Variants in RGS7 observed in about 807,000 individuals in gnomAD.
RGS7 encodes regulator of G-protein signaling 7.
RGS7 carries 27 observed loss-of-function variants against 81.1 expected under a neutral mutation model. The observed-to-expected ratio is 0.33, with a 90% confidence interval of 0.25 to 0.46. RGS7 has a LOEUF of 0.46. Among genes scored for constraint, RGS7 ranks in the 20% least tolerant of loss-of-function variants. The probability of loss-of-function intolerance (pLI) is 1.00; values close to 1 mark genes in which losing one functional copy is unlikely to be tolerated. For missense variants in RGS7, 396 were observed against 607.4 expected (o/e 0.65, Z 3.66); for synonymous variants, 208 against 207.7 (o/e 1.00, Z -0.01).
chr1:240,875,943 G>C (rs1665333976), intron 6 of RGS7, among the ~76,000 whole-genome samples: 1 of 152,060 alleles, frequency 6.6e-6, no homozygotes, highest in South Asian at 2.1e-4. Context: ...CTCTAGACTT[G>C]GCAAAAGTTT....
At chr1:241,328,487 G>A (rs2081755135) in intron 2 of RGS7, among the ~76,000 whole-genome samples, 1 of 152,216 alleles carries the variant, frequency 6.6e-6, no homozygotes, top group Admixed American at 6.5e-5. Context: ...TAGTGGACTG[G>A]AAATCAAGTC....
chr1:241,230,926 A>C (rs2148059653), intron 2 of RGS7, among the ~76,000 whole-genome samples: 1 of 152,294 alleles, frequency 6.6e-6, no homozygotes, highest in South Asian at 2.1e-4. Flanking sequence ...TCAAGATGCA[A>C]GTTAGTGCTT....
chr1:240,801,650 T>C (rs1035651589), intron 16 of RGS7, 142 bp from the exon 17 acceptor site: 127 of 718,748 alleles, frequency 1.8e-4, no homozygotes, highest in Non-Finnish European at 2.8e-4. Flanking sequence ...AGAAGGCCCA[T>C]AGAGGTTGGA....
chr1:240,784,779 A>C (rs1458644347), intron 18 of RGS7, among the ~76,000 whole-genome samples: 1 of 151,066 alleles, frequency 6.6e-6, no homozygotes, highest in Non-Finnish European at 1.5e-5. Flanking sequence ...ACTGGGATGG[A>C]TATTCTTGAG....
At chr1:241,030,064 A>G (rs892528689) in intron 3 of RGS7, among the ~76,000 whole-genome samples, 2 of 152,110 alleles carry the variant, frequency 1.3e-5, no homozygotes, top group Non-Finnish European at 2.9e-5. Flanking sequence ...TGATTAAACT[A>G]TTACACTGAG....
intron 4 of RGS7, among the ~76,000 whole-genome samples, chr1:240,942,027 T>C (rs976970431): frequency 7.2e-5 from 11 of 152,108 alleles, no homozygotes; most frequent in African/African-American, 1.2e-4. Context: ...ATTCAAGCCA[T>C]GAGCAAGCTG....
intron 2 of RGS7, among the ~76,000 whole-genome samples, chr1:241,107,168 G>A (rs2065177961): frequency 6.6e-6 from 1 of 152,182 alleles, no homozygotes; most frequent in Admixed American, 6.5e-5. Flanking sequence ...TCTGCTCCTT[G>A]TGGTGAGCCC....
intron 4 of RGS7, among the ~76,000 whole-genome samples, chr1:240,943,662 C>A (rs1677985134): frequency 6.6e-6 from 1 of 152,172 alleles, no homozygotes; most frequent in Admixed American, 6.5e-5. Context: ...TTTTTCCCTA[C>A]AGCAAAGAAC....
chr1:240,921,581 C>T (rs1301489259), intron 6 of RGS7, among the ~76,000 whole-genome samples: 1 of 151,922 alleles, frequency 6.6e-6, no homozygotes, highest in African/African-American at 2.4e-5. Flanking sequence ...AGCAAAGTTG[C>T]AGGGTACAAA....
At chr1:240,894,667 A>C (rs35728896) in intron 6 of RGS7, among the ~76,000 whole-genome samples, 1 of 115,674 alleles carries the variant, frequency 8.6e-6, no homozygotes, top group Non-Finnish European at 2.0e-5. Flanking sequence ...TCTAGCTCTC[A>C]TATCATTTTT....
intron 6 of RGS7, among the ~76,000 whole-genome samples, chr1:240,918,892 G>A (rs148960374): frequency 9.9e-5 from 15 of 151,248 alleles, no homozygotes; most frequent in Admixed American, 2.0e-4. Context: ...CTGAAAAGGA[G>A]GCCATCACTG....
At chr1:240,955,551 C>CAAAAAAAAAAAAA (rs369155474) in intron 4 of RGS7, among the ~76,000 whole-genome samples, 14 of 140,268 alleles carry the variant, frequency 1.0e-4, no homozygotes, top group African/African-American at 2.7e-4. Flanking sequence ...GACTCTGTCT[C>CAAAAAAAAAAAAA]AAAAAAAAAA....
chr1:240,930,600 G>C, intron 6 of RGS7, 117 bp downstream of exon 6: 1 of 965,012 alleles, frequency 1.0e-6, no homozygotes, highest in East Asian at 2.4e-5. Context: ...AAAAATATTG[G>C]TCCCATCCTG....
intron 3 of RGS7, among the ~76,000 whole-genome samples, chr1:241,077,526 G>A (rs1033599839): frequency 2.0e-5 from 3 of 152,158 alleles, no homozygotes; most frequent in Non-Finnish European, 4.4e-5. Context: ...CAGGGACAGT[G>A]GAAGGGGAGG....
intron 4 of RGS7, among the ~76,000 whole-genome samples, chr1:240,970,418 A>T (rs539451133): frequency 6.6e-6 from 1 of 152,362 alleles, no homozygotes; most frequent in East Asian, 1.9e-4. Flanking sequence ...AACAACAGTC[A>T]CTCGTTGCAT....
At chr1:240,863,770 C>A (rs146161504) in intron 9 of RGS7, among the ~76,000 whole-genome samples, 1 of 151,888 alleles carries the variant, frequency 6.6e-6, no homozygotes, top group East Asian at 1.9e-4. Context: ...TTTAAAATAC[C>A]ATTTTAAAAT....
intron 2 of RGS7, among the ~76,000 whole-genome samples, chr1:241,167,030 T>G (rs1314353517): frequency 6.6e-6 from 1 of 152,222 alleles, no homozygotes; most frequent in Non-Finnish European, 1.5e-5. Context: ...TATTACAGTT[T>G]CCTGTGCCAC....
At chr1:241,133,498 C>A (rs145397645) in intron 2 of RGS7, among the ~76,000 whole-genome samples, 1 of 151,174 alleles carries the variant, frequency 6.6e-6, no homozygotes, top group Non-Finnish European at 1.5e-5. Context: ...TATTAGCCAC[C>A]ATAATTTTTT....
At chr1:240,908,799 G>C (rs1671266379) in intron 6 of RGS7, among the ~76,000 whole-genome samples, 2 of 152,228 alleles carry the variant, frequency 1.3e-5, no homozygotes, top group African/African-American at 4.8e-5. Context: ...GACTAGGAAA[G>C]TTTGTTAATG....
Sources: gnomAD v4.1 joint callset for allele counts (sites outside exome capture counted in the v4.1 genomes callset) on GRCh38, gnomAD v4.1.1 for gene constraint, MANE v1.5 for transcripts, NCBI Gene and HGNC (gene_info 2026-07-23, HGNC 2026-07-21) for gene names.